Variants in CHMP4B observed in about 807,000 individuals in gnomAD.
CHMP4B encodes the protein charged multivesicular body protein 4B.
Under a neutral mutation model 25.1 loss-of-function variants are expected in CHMP4B, and 1 was observed. That is an observed-to-expected ratio of 0.04 (90% confidence interval 0.01 to 0.19). CHMP4B has a LOEUF of 0.19. Ranked by LOEUF, CHMP4B falls within the 10% of genes least tolerant of loss-of-function variation. The pLI, the probability that CHMP4B is intolerant of heterozygous loss-of-function variation, is 1.00. For synonymous variants in CHMP4B, 101 were observed against 115.6 expected (o/e 0.87, Z 0.81); for missense variants, 151 against 289.7 (o/e 0.52, Z 3.48).
intron 1 of CHMP4B, among the ~76,000 whole-genome samples, chr20:33,832,561 T>C (rs945159190): frequency 6.6e-6 from 1 of 152,188 alleles, no homozygotes; most frequent in Admixed American, 6.5e-5. Flanking sequence ...TTGTTTTGAT[T>C]AGGTAGTCAT....
chr20:33,822,133 T>TTTTA lies in CHMP4B; in HGVS notation c.190+10495_190+10498dup, dbSNP rs574290731. On this transcript the variant is annotated intron_variant, in intron 1 of 4. Coordinates refer to ENST00000217402, the MANE Select transcript of CHMP4B (RefSeq NM_176812.5). ...AGCTGCTGCACACGGCCTATTGCTA[T>TTTTA]TTTATTTATTTATTTATTTATTTTT... is the stretch of plus-strand genomic sequence containing the variant. 4.0e-3 allele frequency among the ~76,000 whole-genome samples: 610 copies of TTTTA among 151,722 alleles called. 1 individual carries two copies. Among genetic ancestry groups the TTTTA allele is most frequent in the Middle Eastern group, 6.8e-3 (2 of 294 alleles).
chr20:33,848,935 G>T (rs1464142592), intron 2 of CHMP4B, among the ~76,000 whole-genome samples: 2 of 152,188 alleles, frequency 1.3e-5, no homozygotes, highest in African/African-American at 4.8e-5. Context: ...GAATGTGAAG[G>T]TGGGGAAGCT....
chr20:33,825,890 G>A (rs1421815371), intron 1 of CHMP4B, among the ~76,000 whole-genome samples: 1 of 152,220 alleles, frequency 6.6e-6, no homozygotes, highest in Non-Finnish European at 1.5e-5. Flanking sequence ...CTCCTTCCAG[G>A]TTTAGGAGCT....
At chr20:33,853,426 G>A (rs1979909901) in intron 4 of CHMP4B, 70 bp from the exon 5 acceptor site, 1 of 1,409,806 alleles carries the variant, frequency 7.1e-7, no homozygotes, top group African/African-American at 1.4e-5. Context: ...AGCACAGGCA[G>A]CCCTCATTTC....
At chr20:33,837,439 G>A (rs1190546026) in intron 1 of CHMP4B, among the ~76,000 whole-genome samples, 1 of 151,384 alleles carries the variant, frequency 6.6e-6, no homozygotes. Flanking sequence ...GAAGGATCTA[G>A]GAAAAAAAAA....
intron 2 of CHMP4B, among the ~76,000 whole-genome samples, chr20:33,849,539 A>G (rs1775688079): frequency 6.6e-6 from 1 of 152,228 alleles, no homozygotes; most frequent in Admixed American, 6.5e-5. Context: ...TGGAAGTTGC[A>G]GTGAGCCAAA....
intron 1 of CHMP4B, 106 bp downstream of exon 1, chr20:33,811,764 A>G (rs1978624755): frequency 1.7e-6 from 2 of 1,181,176 alleles, no homozygotes; most frequent in African/African-American, 3.0e-5. Flanking sequence ...CTGACCCTGG[A>G]ACTCTCCGGG....
Position 33,848,815 on chromosome 20 carries a change from AAGG to A in CHMP4B, c.368+174_368+176del, listed in dbSNP as rs374979677. ...CCGAAAATGGATGACGTGCCTTTGA[AAGG>A]AGATCTCATGGGATGTAAAAGTACT... On this transcript the variant is annotated intron_variant, in intron 2 of 4. Transcript: ENST00000217402. Among the ~76,000 whole-genome samples the A allele has an allele frequency of 2.7e-3, 408 of 152,368 alleles. 1 individual carries two copies. Among genetic ancestry groups the A allele is most frequent in the African/African-American group, 9.4e-3 (389 of 41,578 alleles).
At chr20:33,820,419 A>G (rs1300207893) in intron 1 of CHMP4B, among the ~76,000 whole-genome samples, 2 of 152,242 alleles carry the variant, frequency 1.3e-5, no homozygotes, top group African/African-American at 4.8e-5. Context: ...CCATTTTCAA[A>G]GATGGTAGCT....
At chr20:33,812,629 C>T (rs1040127169) in intron 1 of CHMP4B, among the ~76,000 whole-genome samples, 2 of 152,114 alleles carry the variant, frequency 1.3e-5, no homozygotes, top group Non-Finnish European at 2.9e-5. Flanking sequence ...CTTGTTATGG[C>T]CATGTGAGAG....
chr20:33,842,959 C>T (rs1398254634), intron 1 of CHMP4B, among the ~76,000 whole-genome samples: 7 of 152,194 alleles, frequency 4.6e-5, no homozygotes, highest in African/African-American at 9.7e-5. Context: ...GCAGACTTGC[C>T]GTCCTCAGCA....
chr20:33,817,677 G>T (rs1287565560), intron 1 of CHMP4B, among the ~76,000 whole-genome samples: 1 of 152,206 alleles, frequency 6.6e-6, no homozygotes, highest in African/African-American at 2.4e-5. Context: ...GGGCCTTGAG[G>T]AATTTCTTAT....
intron 1 of CHMP4B, among the ~76,000 whole-genome samples, chr20:33,830,551 A>G (rs1390064367): frequency 6.6e-6 from 1 of 152,120 alleles, no homozygotes; most frequent in Non-Finnish European, 1.5e-5. Flanking sequence ...CTGTGTCCTC[A>G]CATGGCCTTT....
intron 1 of CHMP4B, among the ~76,000 whole-genome samples, chr20:33,830,311 G>C (rs950436003): frequency 2.6e-5 from 4 of 152,176 alleles, no homozygotes; most frequent in Admixed American, 2.0e-4. Flanking sequence ...AGAGGGTATG[G>C]GGGATACTGT....
At position 33,853,683 on chromosome 20, in the gene CHMP4B, C is replaced by A. The variant is rs1461266239; in HGVS notation, c.*123C>A. 3.4e-5 allele frequency: 27 copies of A among 790,952 alleles called. No individual in the cohort carries two copies. Among genetic ancestry groups the A allele is most frequent in the Non-Finnish European group, 5.1e-5 (24 of 470,456 alleles). 49.0% of individuals were successfully genotyped at this position (790,952 alleles called of 1,614,324 possible). ...GTTCCATCGCTTTCGACTCTCACTC[C>A]AAAGCAGTAGGGCCGCGTTGCTGCT... On this transcript the variant is annotated 3_prime_UTR_variant, in exon 5 of 5. Coordinates refer to ENST00000217402, the MANE Select transcript of CHMP4B (RefSeq NM_176812.5).
rs1420736814 is a variant in CHMP4B at position 33,853,490 on chromosome 20, A to T, written c.611-6A>T. ...ATCCTAAATAGCCTTTTCTGTCTTCACACAGCCAAGAAGAAAGAAGAGGAG... is the reference window on the plus strand; with the variant it reads ...ATCCTAAATAGCCTTTTCTGTCTTCTCACAGCCAAGAAGAAAGAAGAGGAG... On this transcript the variant is annotated splice_polypyrimidine_tract_variant and splice_region_variant and intron_variant, in intron 4 of 4. Coordinates refer to ENST00000217402, the MANE Select transcript of CHMP4B (RefSeq NM_176812.5). The T allele has an allele frequency of 1.2e-6, 2 of 1,613,568 alleles. No homozygotes were observed. The highest frequency in any genetic ancestry group is 8.5e-7 in the Non-Finnish European group (1 of 1,179,680).
intron 2 of CHMP4B, 77 bp from the exon 3 acceptor site, chr20:33,850,875 C>G: frequency 9.7e-7 from 1 of 1,028,478 alleles, no homozygotes; most frequent in Admixed American, 1.7e-5. Context: ...GGCCCAGTTT[C>G]TGCTCCCGCC....
At chr20:33,828,801 A>G (rs1052808770) in intron 1 of CHMP4B, among the ~76,000 whole-genome samples, 2 of 151,338 alleles carry the variant, frequency 1.3e-5, no homozygotes, top group African/African-American at 4.9e-5. Flanking sequence ...AACGTATAGT[A>G]AGCAGATAAG....
At chr20:33,851,140 G>T in intron 3 of CHMP4B, 74 bp downstream of exon 3, 1 of 947,230 alleles carries the variant, frequency 1.1e-6, no homozygotes, top group South Asian at 1.3e-5. Flanking sequence ...TGCTCTTGAA[G>T]GCTCTCAGGC....
Sources: gnomAD v4.1 joint callset for allele counts (sites outside exome capture counted in the v4.1 genomes callset) on GRCh38, gnomAD v4.1.1 for gene constraint, MANE v1.5 for transcripts, NCBI Gene and HGNC (gene_info 2026-07-23, HGNC 2026-07-21) for gene names.